The following GFRA2 variants were observed in gnomAD, a reference collection of about 807,000 sequenced individuals.
The protein encoded by GFRA2 is GDNF family receptor alpha 2, also known as GDNF family receptor alpha-2.
In GFRA2, 17 loss-of-function variants were observed where a neutral mutation model predicts 48.3. The observed-to-expected ratio is 0.35, with a 90% CI of 0.24 to 0.53. The LOEUF (loss-of-function observed/expected upper bound fraction) is 0.53, where lower values mean the gene tolerates loss of function less well. Among genes scored for constraint, GFRA2 ranks in the 20% least tolerant of loss-of-function variants. GFRA2 has a pLI of 0.93. For synonymous variants in GFRA2, 305 were observed against 257.2 expected (o/e 1.19, Z -1.78); for missense variants, 660 against 637.3 (o/e 1.04, Z -0.38).
At chr8:21,722,653 A>C (rs1803658449) in intron 4 of GFRA2, among the ~76,000 whole-genome samples, 1 of 151,934 alleles carries the variant, frequency 6.6e-6, no homozygotes, top group South Asian at 2.1e-4. Context: ...AGGCCCTGCC[A>C]CTCCAACCGA....
intron 3 of GFRA2, among the ~76,000 whole-genome samples, chr8:21,764,968 A>G (rs1420436654): frequency 6.6e-6 from 1 of 152,140 alleles, no homozygotes; most frequent in African/African-American, 2.4e-5. Flanking sequence ...CCCTCCAAGA[A>G]GAATATTCTG....
intron 2 of GFRA2, among the ~76,000 whole-genome samples, chr8:21,780,695 CT>C (rs1407896059): frequency 6.6e-6 from 1 of 152,052 alleles, no homozygotes; most frequent in Non-Finnish European, 1.5e-5. Context: ...TAAGACTGGC[CT>C]GATTCTTCTG....
chr8:21,694,484 A>T lies in GFRA2; in HGVS notation c.1252T>A (p.Leu418Ile). The T allele has an allele frequency of 6.2e-7, 1 of 1,612,400 alleles. No homozygotes were observed. Among genetic ancestry groups the T allele is most frequent in the Non-Finnish European group, 8.5e-7 (1 of 1,179,554 alleles). Residue 418 changes from leucine to isoleucine, a missense_variant, in exon 8 of 9, where the codon TTA becomes ATA. Coordinates refer to ENST00000524240, the MANE Select transcript of GFRA2 (RefSeq NM_001495.5). ...QGLKANNSKE[L>I]SMCFTELTTN... The stretch of plus-strand genomic sequence containing the variant: ...CTCACCTCTGTGAAGCACATGCTTA[A>T]CTCTTTGGAGTTGTTGGCCTTCAGC...
intron 2 of GFRA2, among the ~76,000 whole-genome samples, chr8:21,776,848 C>T (rs34298776): frequency 6.6e-6 from 1 of 151,798 alleles, no homozygotes; most frequent in Non-Finnish European, 1.5e-5. Flanking sequence ...CCTGGATGAT[C>T]TCAATGTCCT....
At chr8:21,809,195 G>T (rs890339620) in intron 1 of GFRA2, among the ~76,000 whole-genome samples, 1 of 152,176 alleles carries the variant, frequency 6.6e-6, no homozygotes, top group Non-Finnish European at 1.5e-5. Flanking sequence ...CCTGTTTGTC[G>T]CTGGCTGCTG....
At chr8:21,743,611 T>C (rs908403885) in intron 4 of GFRA2, among the ~76,000 whole-genome samples, 2 of 152,104 alleles carry the variant, frequency 1.3e-5, no homozygotes, top group Admixed American at 6.5e-5. Flanking sequence ...TGGCCCAAAG[T>C]GGATGACCAA....
rs117374689 is a variant in GFRA2 at position 21,742,636 on chromosome 8, G to A, written c.794+7952C>T. On this transcript the variant is annotated intron_variant, in intron 4 of 8. Transcript: ENST00000524240. ...GTGTGAACAATGCAAGACCAGGGTGGCTGAAAGTGTGTCTGCCCCTGTGTG... is the reference window on the plus strand; with the variant it reads ...GTGTGAACAATGCAAGACCAGGGTGACTGAAAGTGTGTCTGCCCCTGTGTG... 1.4e-4 allele frequency among the ~76,000 whole-genome samples: 22 copies of A among 152,308 alleles called. No homozygotes were observed. The East Asian group carries it at 3.7e-3, about 25-fold the overall frequency.
At chr8:21,762,195 C>T (rs549226728) in intron 3 of GFRA2, among the ~76,000 whole-genome samples, 1 of 152,116 alleles carries the variant, frequency 6.6e-6, no homozygotes, top group South Asian at 2.1e-4. Flanking sequence ...ATCTTCCTCC[C>T]TTCTGGGCCC....
At chr8:21,754,493 G>A (rs565125078) in intron 3 of GFRA2, among the ~76,000 whole-genome samples, 24 of 147,854 alleles carry the variant, frequency 1.6e-4, no homozygotes, top group African/African-American at 6.0e-4. Flanking sequence ...ACCAACAATG[G>A]TCTTTTTTTT....
At chr8:21,779,638 G>A (rs2117728568) in intron 2 of GFRA2, 1 of 152,328 alleles carries the variant, frequency 6.6e-6, no homozygotes, top group South Asian at 2.1e-4. Context: ...GAAGAATAGA[G>A]TGCAGTACCC....
chr8:21,769,305 G>A (rs1007671734), intron 3 of GFRA2: 21 of 200,240 alleles, frequency 1.0e-4, no homozygotes, highest in Non-Finnish European at 1.5e-4. Flanking sequence ...ACCACGGCCA[G>A]GATCCACCCC....
chr8:21,786,444 C>T (rs1338079302), intron 1 of GFRA2, among the ~76,000 whole-genome samples: 1 of 152,178 alleles, frequency 6.6e-6, no homozygotes, highest in Non-Finnish European at 1.5e-5. Flanking sequence ...TTCACCTTGG[C>T]CCTGATCATG....
intron 2 of GFRA2, among the ~76,000 whole-genome samples, chr8:21,776,984 T>C (rs1003795477): frequency 6.6e-6 from 1 of 152,206 alleles, no homozygotes; most frequent in Admixed American, 6.5e-5. Flanking sequence ...ATAAAAATAA[T>C]GTTAGACTGC....
chr8:21,773,093 G>C (rs1400866652), intron 3 of GFRA2, among the ~76,000 whole-genome samples: 1 of 152,238 alleles, frequency 6.6e-6, no homozygotes, highest in East Asian at 1.9e-4. Flanking sequence ...TGTCTCAGAA[G>C]GAATGGTCCC....
chr8:21,788,403 A>C lies in GFRA2; in HGVS notation c.-244T>G. 1.5e-6 allele frequency: 2 copies of C among 1,321,878 alleles called. No individual in the cohort carries two copies. Among genetic ancestry groups the C allele is most frequent in the African/African-American group, 3.1e-5 (2 of 65,060 alleles). 81.9% of individuals were successfully genotyped at this position (1,321,878 alleles called of 1,614,324 possible). On this transcript the variant is annotated 5_prime_UTR_variant, in exon 1 of 9. The change creates a new upstream start codon in the 5' untranslated region. Transcript: ENST00000524240. The stretch of plus-strand genomic sequence containing the variant: ...ACGCCCCCCTTGCCCGCTACAATCA[A>C]ATATACGCGTATCTGTGTATCGGCT...
chr8:21,694,092 T>TATATATATATATATATATATA (rs1221616880), intron 8 of GFRA2, among the ~76,000 whole-genome samples: 40 of 138,508 alleles, frequency 2.9e-4, no homozygotes, highest in Admixed American at 4.3e-4. Flanking sequence ...TATATATATA[T>TATATATATATATATATATATA]TTCCTATAGT....
intron 1 of GFRA2, among the ~76,000 whole-genome samples, chr8:21,783,709 C>T (rs746456223): frequency 5.9e-5 from 9 of 151,974 alleles, no homozygotes; most frequent in Non-Finnish European, 1.3e-4. Flanking sequence ...AGACAAGTTC[C>T]GCCCCGGCCC....
chr8:21,748,824 C>T (rs1805134814), intron 4 of GFRA2, among the ~76,000 whole-genome samples: 1 of 152,232 alleles, frequency 6.6e-6, no homozygotes, highest in African/African-American at 2.4e-5. Context: ...CCTCCCCCGA[C>T]TTGCCTCCCA....
intron 8 of GFRA2, among the ~76,000 whole-genome samples, chr8:21,694,055 TTATATATA>T (rs112398044): frequency 2.6e-5 from 2 of 77,466 alleles, no homozygotes; most frequent in African/African-American, 9.6e-5. Context: ...ATATATATAT[TTATATATA>T]TATTTATTTA....
Sources: allele counts gnomAD v4.1 joint callset (sites outside exome capture counted in the v4.1 genomes callset), GRCh38; gene constraint gnomAD v4.1.1; transcripts MANE v1.5; gene names NCBI Gene and HGNC (gene_info 2026-07-23, HGNC 2026-07-21).